The following NLK variants were observed in gnomAD, a reference collection of about 807,000 sequenced individuals.
NLK encodes serine/threonine-protein kinase NLK.
A neutral mutation model predicts 59.0 loss-of-function variants in NLK; 11 were observed. The ratio of observed to expected loss-of-function variants is 0.19; its 90% CI spans 0.12 to 0.31. The LOEUF (loss-of-function observed/expected upper bound fraction) is 0.31. Among genes scored for constraint, NLK ranks in the 10% least tolerant of loss-of-function variants. NLK has a pLI of 1.00. For missense variants in NLK, 410 were observed against 661.1 expected (o/e 0.62, Z 4.16); for synonymous variants, 235 against 235.9 (o/e 1.00, Z 0.03).
chr17:28,187,557 C>T (rs1909164465), intron 8 of NLK, among the ~76,000 whole-genome samples: 1 of 152,154 alleles, frequency 6.6e-6, no homozygotes, highest in South Asian at 2.1e-4. Flanking sequence ...GCCTTGGCCT[C>T]CCAAAATGCT....
chr17:28,057,527 G>C (rs1909482961), intron 1 of NLK, among the ~76,000 whole-genome samples: 1 of 152,154 alleles, frequency 6.6e-6, no homozygotes. Context: ...CTGAGCTTCA[G>C]GCAGTATAGA....
chr17:28,157,808 A>T (rs1907838750), intron 3 of NLK, among the ~76,000 whole-genome samples: 2 of 152,220 alleles, frequency 1.3e-5, no homozygotes, highest in African/African-American at 4.8e-5. Flanking sequence ...GGGTACCACT[A>T]CATACCTTGT....
chr17:28,052,253 T>A (rs1909283590), intron 1 of NLK, among the ~76,000 whole-genome samples: 1 of 152,260 alleles, frequency 6.6e-6, no homozygotes, highest in Non-Finnish European at 1.5e-5. Context: ...GAGTGATTTT[T>A]AAATTTTTAA....
At chr17:28,134,728 C>T (rs1285401141) in intron 3 of NLK, among the ~76,000 whole-genome samples, 1 of 152,230 alleles carries the variant, frequency 6.6e-6, no homozygotes, top group Non-Finnish European at 1.5e-5. Flanking sequence ...CCCAGCTCTG[C>T]ACATTCCAAA....
chr17:28,098,436 A>G (rs1904779744), intron 1 of NLK, among the ~76,000 whole-genome samples: 1 of 152,164 alleles, frequency 6.6e-6, no homozygotes, highest in Admixed American at 6.5e-5. Flanking sequence ...TATTTGTACT[A>G]TAACTCTTCC....
Position 28,158,025 on chromosome 17 carries a change from A to G in NLK, c.645-3135A>G, listed in dbSNP as rs574663994. Among the ~76,000 whole-genome samples, 3 of 152,320 alleles carry G rather than the reference A, an allele frequency of 2.0e-5. No homozygotes were observed. In the South Asian group the frequency reaches 6.2e-4, roughly 32 times the overall value. On this transcript the variant is annotated intron_variant, in intron 3 of 10. Transcript: ENST00000407008. ...GCAGGCTTGGCAATACAGACAGAGA[A>G]TAAACATAAGGAAATTACAGGATAA...
chr17:28,178,333 A>G (rs1458374601), intron 7 of NLK, among the ~76,000 whole-genome samples: 1 of 152,162 alleles, frequency 6.6e-6, no homozygotes, highest in East Asian at 1.9e-4. Flanking sequence ...AATCAAGCCT[A>G]ATCAAACCAC....
At position 28,132,600 on chromosome 17, in the gene NLK, T is replaced by G; in HGVS notation, c.589-20T>G. On this transcript the variant is annotated intron_variant, in intron 2 of 10. Coordinates refer to ENST00000407008, the MANE Select transcript of NLK (RefSeq NM_016231.5). ...TCCTTTTTTGTTCTCTAAATTTGAC[T>G]TTTTTTTTCCTTTTCTCAGGTACTC... 1 of 1,556,844 alleles carries G rather than the reference T, an allele frequency of 6.4e-7. No individual in the cohort carries two copies. Among genetic ancestry groups the G allele is most frequent in the South Asian group, 1.2e-5 (1 of 85,150 alleles).
intron 10 of NLK, among the ~76,000 whole-genome samples, chr17:28,193,270 G>T (rs1456275938): frequency 6.6e-6 from 1 of 152,116 alleles, no homozygotes; most frequent in Non-Finnish European, 1.5e-5. Flanking sequence ...ATTTAGAAGA[G>T]GTTCCTCATG....
At chr17:28,132,363 C>G (rs1906554024) in intron 2 of NLK, among the ~76,000 whole-genome samples, 1 of 152,150 alleles carries the variant, frequency 6.6e-6, no homozygotes, top group South Asian at 2.1e-4. Context: ...TTCAAAAACT[C>G]TCTCCTGTGC....
At chr17:28,146,342 TA>T (rs771554390) in intron 3 of NLK, among the ~76,000 whole-genome samples, 40 of 151,934 alleles carry the variant, frequency 2.6e-4, no homozygotes, top group African/African-American at 8.9e-4. Context: ...ATTGATGTTT[TA>T]AAAAAAACTC....
rs923733842 is a variant in NLK at position 28,161,323 on chromosome 17, T to G, written c.751+57T>G. On this transcript the variant is annotated intron_variant, in intron 4 of 10. Transcript: ENST00000407008. Reference sequence around the variant, plus strand: ...TCACACTGTAAATGAAATGTTTTGCTTCTCATTTAGACTTTAATCCGATCT... The same window carrying G: ...TCACACTGTAAATGAAATGTTTTGCGTCTCATTTAGACTTTAATCCGATCT... 57 of 965,484 alleles carry G rather than the reference T, an allele frequency of 5.9e-5. No individual in the cohort carries two copies. In the African/African-American group the frequency reaches 8.5e-4, roughly 14 times the overall value. 59.8% of individuals were successfully genotyped at this position (965,484 alleles called of 1,614,324 possible). A position where few individuals can be genotyped will look rare whatever the true frequency, so the allele number is the denominator to read the frequency against.
chr17:28,072,218 C>T (rs1288734134), intron 1 of NLK, among the ~76,000 whole-genome samples: 1 of 151,896 alleles, frequency 6.6e-6, no homozygotes, highest in African/African-American at 2.4e-5. Context: ...CTCTGATATA[C>T]AGCATACATT....
Position 28,159,646 on chromosome 17 carries a change from T to G in NLK, c.645-1514T>G, listed in dbSNP as rs115610834. ...TTAACTTTCATTATGAAGTAGAATA[T>G]ATTTCTTTGGAAAGAATCTGAGTGA... On this transcript the variant is annotated intron_variant, in intron 3 of 10. Transcript: ENST00000407008. Among the ~76,000 whole-genome samples, 924 of 152,320 alleles carry G rather than the reference T, an allele frequency of 6.1e-3. 10 individuals are homozygous for G. Among genetic ancestry groups the G allele is most frequent in the African/African-American group, 0.021 (864 of 41,560 alleles).
intron 1 of NLK, among the ~76,000 whole-genome samples, chr17:28,100,428 TGTCA>T: frequency 6.6e-6 from 1 of 152,336 alleles, no homozygotes; most frequent in African/African-American, 2.4e-5. Context: ...GTGCTAAATA[TGTCA>T]GTCTTTTAAA....
intron 2 of NLK, among the ~76,000 whole-genome samples, chr17:28,125,141 G>A (rs1906243767): frequency 6.6e-6 from 1 of 152,144 alleles, no homozygotes; most frequent in African/African-American, 2.4e-5. Context: ...AGGAAGGGTG[G>A]TATAATAAGC....
intron 1 of NLK, among the ~76,000 whole-genome samples, chr17:28,073,549 T>G (rs909632129): frequency 1.6e-4 from 25 of 152,232 alleles, no homozygotes; most frequent in Non-Finnish European, 3.2e-4. Context: ...TTAGATGCTT[T>G]TCCATCTAAT....
At chr17:28,171,410 C>T (rs1037450676) in intron 6 of NLK, 1 of 152,190 alleles carries the variant, frequency 6.6e-6, no homozygotes, top group Non-Finnish European at 1.5e-5. Context: ...GAAGTTAGAA[C>T]AATTGTGACA....
the NLK span, among the ~76,000 whole-genome samples, chr17:28,203,005 C>T: frequency 6.6e-6 from 1 of 151,982 alleles, no homozygotes; most frequent in South Asian, 2.1e-4. Flanking sequence ...TTATCCTGCT[C>T]TACTGCAGAC....
Sources: gnomAD v4.1 joint callset for allele counts (sites outside exome capture counted in the v4.1 genomes callset) on GRCh38, gnomAD v4.1.1 for gene constraint, MANE v1.5 for transcripts, NCBI Gene and HGNC (gene_info 2026-07-23, HGNC 2026-07-21) for gene names.